The following SIRT4 variants were observed in gnomAD, a reference collection of about 807,000 sequenced individuals.
SIRT4 encodes sirtuin 4.
SIRT4 carries 23 observed loss-of-function variants against 26.1 expected under a neutral mutation model. The observed-to-expected ratio is 0.88, with a 90% CI of 0.63 to 1.25. The LOEUF is 1.25. Among genes scored for constraint, SIRT4 ranks in the 50% most tolerant of loss-of-function variants. SIRT4 has a pLI of 0.00. For synonymous variants in SIRT4, 155 were observed against 158.4 expected (o/e 0.98, Z 0.16); for missense variants, 361 against 405.4 (o/e 0.89, Z 0.94).
upstream of SIRT4, chr12:120,302,228 G>A (rs1467531360): frequency 1.3e-5 from 2 of 152,186 alleles, no homozygotes; most frequent in Non-Finnish European, 2.9e-5. Flanking sequence ...GTTCCTGGAT[G>A]ATCTGGGGCT....
intron 2 of SIRT4, among the ~76,000 whole-genome samples, chr12:120,311,546 A>G (rs1167930723): frequency 2.0e-5 from 3 of 150,382 alleles, no homozygotes; most frequent in Non-Finnish European, 3.0e-5. Context: ...AGCCTTACCA[A>G]CATGGAGAAA....
intron 2 of SIRT4, among the ~76,000 whole-genome samples, chr12:120,308,234 G>A (rs374993897): frequency 1.4e-5 from 2 of 146,430 alleles, no homozygotes; most frequent in Admixed American, 1.4e-4. Context: ...CAGTGGCACG[G>A]TCTCGGCTCA....
rs763487544 is a variant in SIRT4 at position 120,303,975 on chromosome 12, C to G, written c.414C>G (p.Tyr138Ter). Reference sequence around the variant, plus strand: ...CCTGGGAGAAACTCGGAAAGCTGTACTGGTTGGTGACCCAAAATGTGGATG... The same window carrying G: ...CCTGGGAGAAACTCGGAAAGCTGTAGTGGTTGGTGACCCAAAATGTGGATG... ...LSTWEKLGKL[Y>*]WLVTQNVDAL... Residue 138 changes from tyrosine (Y) to a stop codon, truncating the protein, a stop_gained, in exon 2 of 4, where the codon TAC becomes TAG. Coordinates refer to ENST00000202967, the MANE Select transcript of SIRT4 (RefSeq NM_012240.3). LOFTEE classifies it high-confidence loss of function. The G allele has an allele frequency of 2.5e-6, 4 of 1,614,168 alleles. No individual in the cohort carries two copies. Among genetic ancestry groups the G allele is most frequent in the Non-Finnish European group, 3.4e-6 (4 of 1,180,044 alleles).
chr12:120,312,061 T>C (rs7960401), intron 2 of SIRT4, among the ~76,000 whole-genome samples: 2 of 151,804 alleles, frequency 1.3e-5, no homozygotes, highest in Non-Finnish European at 2.9e-5. Flanking sequence ...GGAGGGAGGA[T>C]CACTTGAGGC....
chr12:120,303,499 A>C (rs772584746), intron 1 of SIRT4, 62 bp from the exon 2 acceptor site: 1 of 1,516,602 alleles, frequency 6.6e-7, no homozygotes, highest in Non-Finnish European at 8.8e-7. Context: ...AAACAAACAA[A>C]CAAAAAATGA....
At chr12:120,302,033 C>CAAA (rs34360814), upstream of SIRT4, among the ~76,000 whole-genome samples, 56 of 95,100 alleles carry the variant, frequency 5.9e-4, no homozygotes, top group African/African-American at 1.1e-3. Context: ...GGAGTTTTTT[C>CAAA]AAAAAAAAAA....
chr12:120,307,229 A>G (rs1309575623), intron 2 of SIRT4, among the ~76,000 whole-genome samples: 1 of 152,082 alleles, frequency 6.6e-6, no homozygotes, highest in Non-Finnish European at 1.5e-5. Flanking sequence ...AGTGGCTCAC[A>G]CCTATAATCC....
intron 3 of SIRT4, 62 bp from the exon 4 acceptor site, chr12:120,312,822 G>T (rs570639313): frequency 8.4e-4 from 1,357 of 1,609,022 alleles, no homozygotes; most frequent in Non-Finnish European, 1.0e-3. Context: ...ACCCTGTTTG[G>T]TTTAACTTTT....
chr12:120,295,422 T>A, the SIRT4 span, among the ~76,000 whole-genome samples: 31 of 141,114 alleles, frequency 2.2e-4, no homozygotes, highest in African/African-American at 7.5e-4. Context: ...ATAGATAATT[T>A]TTTTTTTTTT....
intron 2 of SIRT4, among the ~76,000 whole-genome samples, chr12:120,308,165 CTT>C (rs10707396): frequency 0.013 from 1,071 of 85,004 alleles, 13 homozygotes; most frequent in African/African-American, 0.042. Context: ...CCCAAGAAAG[CTT>C]TTTTTTTTTT....
At chr12:120,307,069 G>C (rs930779664) in intron 2 of SIRT4, among the ~76,000 whole-genome samples, 2 of 152,278 alleles carry the variant, frequency 1.3e-5, no homozygotes, top group Admixed American at 6.6e-5. Flanking sequence ...CCCTAGAGAG[G>C]CTCCTCTGAG....
chr12:120,299,150 G>A (rs1367530585), upstream of SIRT4, among the ~76,000 whole-genome samples: 1 of 150,954 alleles, frequency 6.6e-6, no homozygotes, highest in Non-Finnish European at 1.5e-5. Flanking sequence ...GAACCCGGGA[G>A]GCGGAGCTTG....
rs551853830 is a variant in SIRT4, at chr12:120,303,763, G to A, written c.202G>A (p.Glu68Lys). The A allele has an allele frequency of 1.5e-5, 24 of 1,614,006 alleles. No homozygotes were observed. Among genetic ancestry groups the A allele is most frequent in the Non-Finnish European group, 1.9e-5 (23 of 1,180,038 alleles). ...LVMTGAGIST[E>K]SGIPDYRSEK... ...GATGACTGGGGCAGGAATCTCCACC[G>A]AATCGGGGATACCAGACTACAGGTC... Residue 68 changes from glutamate (E) to lysine (K), a missense_variant, in exon 2 of 4, where the codon GAA (glutamate) becomes AAA (lysine). Physicochemically the swap from Glu to Lys is moderately conservative, Grantham distance 56. Coordinates refer to ENST00000202967, the MANE Select transcript of SIRT4 (RefSeq NM_012240.3).
Position 120,303,555 on chromosome 12 carries a change from C to T in SIRT4, c.-1-6C>T. ...AGTTTCTCACATGAGGCTTCTTTTTCTCTAGAATGAAGATGAGCTTTGCGT... is the reference window on the plus strand; with the variant it reads ...AGTTTCTCACATGAGGCTTCTTTTTTTCTAGAATGAAGATGAGCTTTGCGT... On this transcript the variant is annotated splice_region_variant and splice_polypyrimidine_tract_variant and intron_variant, in intron 1 of 3. Coordinates refer to ENST00000202967, the MANE Select transcript of SIRT4 (RefSeq NM_012240.3). 1 of 1,570,260 alleles carries T rather than the reference C, an allele frequency of 6.4e-7. No individual in the cohort carries two copies. Among genetic ancestry groups the T allele is most frequent in the Non-Finnish European group, 8.6e-7 (1 of 1,163,758 alleles).
chr12:120,312,732 G>T lies in SIRT4; in HGVS notation c.774G>T (p.Val258=). 1.9e-6 allele frequency: 3 copies of T among 1,613,494 alleles called. No individual in the cohort carries two copies. The highest frequency in any genetic ancestry group is 2.2e-5 in the South Asian group (2 of 91,050). The change falls in exon 3 of 4, where the codon GTG becomes GTT. Residue 258 remains valine (V), a synonymous_variant. Transcript: ENST00000202967. ...KRVKEADSLL[V]VGSSLQVYSG... Reference sequence around the variant, plus strand: ...TAAAAGAAGCCGACTCCCTCTTGGTGGTGGGATCATCCTTGCAGGTATCTG... The same window carrying T: ...TAAAAGAAGCCGACTCCCTCTTGGTTGTGGGATCATCCTTGCAGGTATCTG...
rs1301230976 is a variant in SIRT4, at chr12:120,306,024, AAAAG to A, written c.497+1978_497+1981del. ...GAGACTCCGTCTCAAAAAAAAAAAAAAAAGAAAGAAAGAAAATTGTGTCCACCAG... is the reference window on the plus strand; with the variant it reads ...GAGACTCCGTCTCAAAAAAAAAAAAAAAAGAAAGAAAATTGTGTCCACCAG... On this transcript the variant is annotated intron_variant, in intron 2 of 3. Transcript: ENST00000202967. Among the ~76,000 whole-genome samples the A allele has an allele frequency of 2.0e-3, 299 of 151,888 alleles. 2 individuals carry two copies. Among genetic ancestry groups the A allele is most frequent in the Non-Finnish European group, 3.3e-3 (223 of 67,922 alleles).
intron 2 of SIRT4, among the ~76,000 whole-genome samples, chr12:120,310,227 G>A (rs1289150083): frequency 2.6e-5 from 4 of 152,080 alleles, no homozygotes; most frequent in Non-Finnish European, 4.4e-5. Context: ...TTAGCTGGGC[G>A]TGGTGGCAGG....
the SIRT4 span, among the ~76,000 whole-genome samples, chr12:120,296,195 G>GT: frequency 3.0e-3 from 446 of 148,040 alleles, no homozygotes; most frequent in Non-Finnish European, 5.1e-3. Flanking sequence ...GAACATTCAT[G>GT]TACTCATCAT....
upstream of SIRT4, among the ~76,000 whole-genome samples, chr12:120,301,359 A>AAAC (rs71753742): frequency 6.0e-4 from 91 of 151,792 alleles, no homozygotes; most frequent in Non-Finnish European, 7.1e-4. Flanking sequence ...ACAAACAAAC[A>AAAC]AACAACAACA....
Sources: allele counts gnomAD v4.1 joint callset (sites outside exome capture counted in the v4.1 genomes callset), GRCh38; gene constraint gnomAD v4.1.1; transcripts MANE v1.5; gene names NCBI Gene and HGNC (gene_info 2026-07-23, HGNC 2026-07-21).